Variants in PTPRD observed in about 807,000 individuals in gnomAD.
PTPRD encodes the protein receptor-type tyrosine-protein phosphatase delta.
A neutral mutation model predicts 214.5 loss-of-function variants in PTPRD; 34 were observed. The observed-to-expected ratio is 0.16, with a 90% CI of 0.12 to 0.21. PTPRD has a LOEUF of 0.21. Among genes scored for constraint, PTPRD ranks in the 10% least tolerant of loss-of-function variants. The pLI is 1.00. For synonymous variants in PTPRD, 1,128 were observed against 845.7 expected, an observed-to-expected ratio of 1.33 and a Z score of -5.79; for missense variants, 2,545 against 2,398.7, an observed-to-expected ratio of 1.06 and a Z score of -1.27.
intron 2 of PTPRD, among the ~76,000 whole-genome samples, chr9:10,534,144 G>T (rs2057167685): frequency 6.6e-6 from 1 of 151,648 alleles, no homozygotes; most frequent in South Asian, 2.1e-4. Context: ...GTTGTTTAAG[G>T]ATTATATCAG....
chr9:9,022,312 T>C (rs1412104), intron 10 of PTPRD, among the ~76,000 whole-genome samples: 58,257 of 151,932 alleles, frequency 0.38, 12,960 homozygotes, highest in Middle Eastern at 0.52. Flanking sequence ...TATTACTCAC[T>C]GCTCACTCGT....
rs142567557 is a variant in PTPRD at position 9,332,869 on chromosome 9, G to A, written c.-203+64580C>T. On this transcript the variant is annotated intron_variant, in intron 9 of 45. Transcript: ENST00000381196. ...TGATACTTTCATCAAGTGGATACAT[G>A]TGCTATATTTCCAGAAAGAATGCTA... is the stretch of plus-strand genomic sequence containing the variant. Among the ~76,000 whole-genome samples the A allele has an allele frequency of 5.6e-3, 857 of 152,050 alleles. 8 individuals carry two copies. The highest frequency in any genetic ancestry group is 0.02 in the African/African-American group (813 of 41,524).
intron 5 of PTPRD, among the ~76,000 whole-genome samples, chr9:9,894,363 C>T (rs1158967240): frequency 6.6e-6 from 1 of 151,966 alleles, no homozygotes; most frequent in African/African-American, 2.4e-5. Context: ...TCCTGAAGGC[C>T]CTGTGTGATC....
chr9:10,306,576 T>C (rs1336074049), intron 3 of PTPRD, among the ~76,000 whole-genome samples: 1 of 152,108 alleles, frequency 6.6e-6, no homozygotes, highest in Non-Finnish European at 1.5e-5. Context: ...TTTAACCTAA[T>C]CAATCGAGTT....
chr9:9,284,336 G>T (rs1332252411), intron 9 of PTPRD, among the ~76,000 whole-genome samples: 1 of 151,538 alleles, frequency 6.6e-6, no homozygotes, highest in Non-Finnish European at 1.5e-5. Context: ...AAAACCTTTT[G>T]ATCCTAAAGT....
intron 4 of PTPRD, among the ~76,000 whole-genome samples, chr9:9,994,784 G>A (rs2096066450): frequency 6.6e-6 from 1 of 151,956 alleles, no homozygotes; most frequent in Admixed American, 6.6e-5. Context: ...ATTTTAGAAG[G>A]CAAACAATAA....
intron 5 of PTPRD, among the ~76,000 whole-genome samples, chr9:9,923,792 A>T (rs1227788746): frequency 6.6e-6 from 1 of 151,942 alleles, no homozygotes; most frequent in Non-Finnish European, 1.5e-5. Context: ...CGTATTTTTT[A>T]GAAAGATACT....
intron 14 of PTPRD, among the ~76,000 whole-genome samples, chr9:8,598,740 C>A (rs2094617453): frequency 6.6e-6 from 1 of 152,030 alleles, no homozygotes; most frequent in African/African-American, 2.4e-5. Flanking sequence ...ATTGGAAGAG[C>A]CATTTGTAAA....
intron 7 of PTPRD, among the ~76,000 whole-genome samples, chr9:9,630,666 G>C (rs528898708): frequency 5.6e-4 from 86 of 152,278 alleles, no homozygotes; most frequent in African/African-American, 1.9e-3. Flanking sequence ...GGAAAATAGT[G>C]ACTGGAAGAT....
intron 3 of PTPRD, among the ~76,000 whole-genome samples, chr9:10,051,168 G>A (rs1016023273): frequency 2.0e-5 from 3 of 151,960 alleles, no homozygotes; most frequent in African/African-American, 4.8e-5. Flanking sequence ...TTATTTTTAA[G>A]CAAAGGGCTC....
intron 3 of PTPRD, among the ~76,000 whole-genome samples, chr9:10,200,979 T>C (rs557441021): frequency 6.6e-6 from 1 of 152,202 alleles, no homozygotes; most frequent in African/African-American, 2.4e-5. Flanking sequence ...ACACAGCTTA[T>C]ATACTCACAC....
At chr9:8,847,209 C>G (rs1459480221) in intron 11 of PTPRD, among the ~76,000 whole-genome samples, 1 of 151,472 alleles carries the variant, frequency 6.6e-6, no homozygotes, top group African/African-American at 2.4e-5. Context: ...AAATTCAGGT[C>G]GAGTCTGTTA....
At position 9,514,819 on chromosome 9, in the gene PTPRD, T is replaced by TA. The variant is rs572224018; in HGVS notation, c.-237+59912dup. Among the ~76,000 whole-genome samples, 17 of 152,124 alleles carry TA rather than the reference T, an allele frequency of 1.1e-4. No homozygotes were observed. In the East Asian group the frequency reaches 3.3e-3, roughly 29 times the overall value. ...GGCTTCAACTGCCTTTGCAGCACCG[T>TA]AAAAAATAAGCCTACTCTGGAAATA... On this transcript the variant is annotated intron_variant, in intron 8 of 45. Coordinates refer to ENST00000381196, the MANE Select transcript of PTPRD (RefSeq NM_002839.4).
At chr9:10,347,173 A>G (rs1351830380) in intron 2 of PTPRD, among the ~76,000 whole-genome samples, 2 of 151,872 alleles carry the variant, frequency 1.3e-5, no homozygotes, top group Non-Finnish European at 2.9e-5. Context: ...TCCTCTCTTT[A>G]CACTTCATTG....
intron 9 of PTPRD, among the ~76,000 whole-genome samples, chr9:9,309,518 C>T (rs1958235300): frequency 6.6e-6 from 1 of 152,074 alleles, no homozygotes; most frequent in Non-Finnish European, 1.5e-5. Flanking sequence ...GTCCTCAGCG[C>T]AAATATTTCC....
intron 10 of PTPRD, among the ~76,000 whole-genome samples, chr9:9,084,349 C>A (rs181321752): frequency 1.9e-3 from 282 of 152,132 alleles, no homozygotes; most frequent in African/African-American, 6.3e-3. Flanking sequence ...GGGAGTTGAA[C>A]AATGAGAACA....
chr9:9,914,315 A>G (rs956436387), intron 5 of PTPRD, among the ~76,000 whole-genome samples: 1 of 152,166 alleles, frequency 6.6e-6, no homozygotes, highest in African/African-American at 2.4e-5. Context: ...TTTGAGAAAC[A>G]GTCCCAAAGG....
At chr9:9,150,451 T>C (rs1174829258) in intron 10 of PTPRD, among the ~76,000 whole-genome samples, 2 of 146,156 alleles carry the variant, frequency 1.4e-5, no homozygotes, top group African/African-American at 2.5e-5. Context: ...TATATATGTA[T>C]GTAACATATT....
chr9:9,962,819 A>T (rs1441604025), intron 4 of PTPRD, among the ~76,000 whole-genome samples: 2 of 152,082 alleles, frequency 1.3e-5, no homozygotes, highest in Admixed American at 1.3e-4. Context: ...ATAAGAGTTC[A>T]ATAAAGACTG....
Sources: gnomAD v4.1 joint callset for allele counts (sites outside exome capture counted in the v4.1 genomes callset) on GRCh38, gnomAD v4.1.1 for gene constraint, MANE v1.5 for transcripts, NCBI Gene and HGNC (gene_info 2026-07-23, HGNC 2026-07-21) for gene names.